LRP1B: variants seen among roughly 807,000 people sequenced by gnomAD.
LRP1B encodes the protein LDL receptor related protein 1B.
LRP1B carries 217 observed loss-of-function variants against 556.6 expected under a neutral mutation model. The observed-to-expected ratio is 0.39, with a 90% CI of 0.35 to 0.44. LRP1B has a LOEUF of 0.44. Among genes scored for constraint, LRP1B ranks in the 20% least tolerant of loss-of-function variants. The pLI is 1.00. For missense variants in LRP1B, 5,053 were observed against 5,620.8 expected, an observed-to-expected ratio of 0.90 and a Z score of 3.23; for synonymous variants, 2,047 against 1,865.8, an observed-to-expected ratio of 1.10 and a Z score of -2.50.
chr2:141,244,681 A>G (rs1359964760), intron 5 of LRP1B, among the ~76,000 whole-genome samples: 3 of 152,174 alleles, frequency 2.0e-5, no homozygotes, highest in Non-Finnish European at 2.9e-5. Flanking sequence ...TTCACTTCCC[A>G]TAAATATGAG....
At chr2:141,542,416 T>C (rs1685293953) in intron 2 of LRP1B, among the ~76,000 whole-genome samples, 2 of 152,006 alleles carry the variant, frequency 1.3e-5, no homozygotes, top group South Asian at 4.1e-4. Flanking sequence ...TTTATTATAT[T>C]TAACATGAGA....
At chr2:140,875,696 A>C (rs955671772) in intron 25 of LRP1B, among the ~76,000 whole-genome samples, 1 of 152,182 alleles carries the variant, frequency 6.6e-6, no homozygotes, top group Non-Finnish European at 1.5e-5. Flanking sequence ...GTTTCCCTAA[A>C]GTCCAAAAAT....
intron 25 of LRP1B, among the ~76,000 whole-genome samples, chr2:140,871,209 C>G (rs1693117777): frequency 6.6e-6 from 1 of 152,060 alleles, no homozygotes; most frequent in South Asian, 2.1e-4. Flanking sequence ...ACCCCATTTT[C>G]TCATCTGAAA....
intron 50 of LRP1B, 111 bp from the exon 51 acceptor site, chr2:140,514,883 A>G (rs2104933274): frequency 9.9e-7 from 1 of 1,005,540 alleles, no homozygotes; most frequent in Non-Finnish European, 1.4e-6. Flanking sequence ...ATCCTATAAT[A>G]AAAGAAGCCA....
intron 7 of LRP1B, among the ~76,000 whole-genome samples, chr2:141,080,321 T>C (rs1365265416): frequency 1.3e-5 from 2 of 152,310 alleles, no homozygotes; most frequent in Admixed American, 1.3e-4. Context: ...CCTAACTTTA[T>C]GTAGTTAGCA....
intron 25 of LRP1B, among the ~76,000 whole-genome samples, chr2:140,870,568 G>A (rs949600971): frequency 1.3e-5 from 2 of 152,054 alleles, no homozygotes. Context: ...CCTTCAGAGA[G>A]GGAGTGAAAA....
intron 72 of LRP1B, among the ~76,000 whole-genome samples, chr2:140,363,001 C>T (rs541262234): frequency 2.6e-4 from 40 of 151,764 alleles, no homozygotes; most frequent in Non-Finnish European, 3.8e-4. Flanking sequence ...TTTTCTCATG[C>T]TATTCACTTT....
intron 88 of LRP1B, among the ~76,000 whole-genome samples, chr2:140,239,097 A>G (rs192012067): frequency 1.3e-5 from 2 of 150,894 alleles, no homozygotes; most frequent in Non-Finnish European, 1.5e-5. Flanking sequence ...CTGTATTGAC[A>G]TTACTAATCA....
At chr2:141,157,257 T>C (rs987370838) in intron 7 of LRP1B, among the ~76,000 whole-genome samples, 9 of 152,098 alleles carry the variant, frequency 5.9e-5, no homozygotes, top group Non-Finnish European at 1.3e-4. Flanking sequence ...ATGTGATAGA[T>C]ATTAATAACA....
chr2:141,575,386 G>A (rs1371668298), intron 2 of LRP1B, among the ~76,000 whole-genome samples: 4 of 152,196 alleles, frequency 2.6e-5, no homozygotes, highest in Non-Finnish European at 5.9e-5. Flanking sequence ...AGTGAATGAT[G>A]CTGGGAAAAC....
chr2:140,776,276 A>G (rs2104951310), intron 32 of LRP1B, 38 bp from the exon 33 acceptor site: 4 of 1,310,230 alleles, frequency 3.1e-6, no homozygotes, highest in Non-Finnish European at 4.1e-6. Context: ...GGAAAGTATA[A>G]TTATCTTATT....
intron 3 of LRP1B, among the ~76,000 whole-genome samples, chr2:141,288,209 G>A (rs752855716): frequency 6.7e-6 from 1 of 148,334 alleles, no homozygotes; most frequent in Non-Finnish European, 1.5e-5. Flanking sequence ...TTATCTTATT[G>A]TAGACATCTC....
At chr2:141,040,751 A>G (rs753257675) in intron 11 of LRP1B, among the ~76,000 whole-genome samples, 1 of 152,092 alleles carries the variant, frequency 6.6e-6, no homozygotes, top group African/African-American at 2.4e-5. Flanking sequence ...GCTGATTATA[A>G]AATCCACAGG....
Position 140,903,132 on chromosome 2 carries a change from T to G in LRP1B, c.3554A>C (p.Asn1185Thr), listed in dbSNP as rs2105223517. The change falls in exon 23 of 91, where the codon AAC becomes ACC. Residue 1185 changes from asparagine to threonine, a missense_variant. By Grantham distance (65) the Asn-to-Thr change is moderately conservative. Around this residue, in one of 5 missense-constraint regions of LRP1B, gnomAD observed 3,619 missense variants for 3,931.9 expected, o/e 0.92. Transcript: ENST00000389484. The stretch of plus-strand genomic sequence containing the variant: ...TCTTCCAGGAACAACAGAACAGTGG[T>G]TGCTACAGCCTCCATTGTTCAGCGA... Reference protein sequence around the residue: ...ECSLNNGGCSNHCSVVPGRGI... With the variant: ...ECSLNNGGCSTHCSVVPGRGI... 1 of 1,613,430 alleles carries G rather than the reference T, an allele frequency of 6.2e-7. No homozygotes were observed. The highest frequency in any genetic ancestry group is 1.3e-5 in the African/African-American group (1 of 75,016).
At chr2:141,886,971 T>C (rs1699138464) in intron 1 of LRP1B, among the ~76,000 whole-genome samples, 1 of 103,070 alleles carries the variant, frequency 9.7e-6, no homozygotes, top group African/African-American at 4.1e-5. Flanking sequence ...TTTCTTTTTT[T>C]TTTTTTTTGG....
chr2:141,365,863 C>T (rs1029073463), intron 3 of LRP1B, among the ~76,000 whole-genome samples: 8 of 151,778 alleles, frequency 5.3e-5, no homozygotes, highest in Middle Eastern at 3.2e-3. Context: ...TTAGTAGAGA[C>T]GGGGTTTCAC....
rs979476145 is a variant in LRP1B at position 141,858,698 on chromosome 2, C to G, written c.83-48297G>C. Among the ~76,000 whole-genome samples, 6 of 152,168 alleles carry G rather than the reference C, an allele frequency of 3.9e-5. No individual in the cohort carries two copies. In the South Asian group the frequency reaches 1.2e-3, roughly 32 times the overall value. Reference sequence around the variant, plus strand: ...CTAAATACACAATGATTTGCAAACACTTAATGAATTATGCACCAGTAAACA... The same window carrying G: ...CTAAATACACAATGATTTGCAAACAGTTAATGAATTATGCACCAGTAAACA... On this transcript the variant is annotated intron_variant, in intron 1 of 90. Coordinates refer to ENST00000389484, the MANE Select transcript of LRP1B (RefSeq NM_018557.3).
intron 1 of LRP1B, among the ~76,000 whole-genome samples, chr2:141,965,815 A>G (rs1701547323): frequency 6.8e-6 from 1 of 146,200 alleles, no homozygotes; most frequent in African/African-American, 2.5e-5. Flanking sequence ...AAAAAAAAAG[A>G]AAATTGTTTT....
chr2:140,382,243 GAAATTCA>G (rs1683543211), intron 67 of LRP1B, among the ~76,000 whole-genome samples: 1 of 152,126 alleles, frequency 6.6e-6, no homozygotes, highest in Non-Finnish European at 1.5e-5. Context: ...GAAAGTACTA[GAAATTCA>G]AATAAGGCAG....
Sources: gnomAD v4.1 joint callset for allele counts (sites outside exome capture counted in the v4.1 genomes callset) on GRCh38, gnomAD v4.1.1 for gene constraint, gnomAD v4.1.1 regional missense constraint, MANE v1.5 for transcripts, NCBI Gene and HGNC (gene_info 2026-07-23, HGNC 2026-07-21) for gene names.